Variants in DCLK1 observed in about 807,000 individuals in gnomAD.
DCLK1 encodes doublecortin like kinase 1.
Under a neutral mutation model 86.2 loss-of-function variants are expected in DCLK1, and 16 were observed. That is an observed-to-expected ratio of 0.19 (90% confidence interval 0.13 to 0.28). The LOEUF (loss-of-function observed/expected upper bound fraction) is 0.28. Ranked by LOEUF, DCLK1 falls within the 10% of genes least tolerant of loss-of-function variation. The pLI is 1.00. For synonymous variants in DCLK1, 369 were observed against 370.5 expected, an observed-to-expected ratio of 1.00 and a Z score of 0.05; for missense variants, 590 against 940.2, an observed-to-expected ratio of 0.63 and a Z score of 4.87.
At chr13:35,818,062 T>C (rs2087310399) in intron 11 of DCLK1, among the ~76,000 whole-genome samples, 1 of 152,198 alleles carries the variant, frequency 6.6e-6, no homozygotes, top group Non-Finnish European at 1.5e-5. Context: ...CTGGTAATGA[T>C]GAATAGGGCA....
chr13:35,938,346 T>C (rs1876884355), intron 4 of DCLK1, among the ~76,000 whole-genome samples: 1 of 151,982 alleles, frequency 6.6e-6, no homozygotes. Flanking sequence ...AAATGAGCAC[T>C]AGGCCAGGTG....
In DCLK1 at chr13:35,769,034, A is replaced by G. The variant is rs531182421; in HGVS notation, c.*5501T>C. On this transcript the variant is annotated 3_prime_UTR_variant, in exon 17 of 17. Coordinates refer to ENST00000360631, the MANE Select transcript of DCLK1 (RefSeq NM_001330071.2). ...AACTTTAAGAACATGTTTTACATAA[A>G]AACAGGCAACATCAAAAAAGCTCAG... The G allele has an allele frequency of 3.9e-5, 6 of 152,362 alleles. No individual in the cohort carries two copies. Among genetic ancestry groups the G allele is most frequent in the African/African-American group, 1.4e-4 (6 of 41,582 alleles). The allele number at this position is 152,362 out of a possible 1,614,324, so 9.4% of individuals were successfully genotyped here.
At chr13:36,044,961 C>A (rs1486043704) in intron 3 of DCLK1, among the ~76,000 whole-genome samples, 1 of 151,718 alleles carries the variant, frequency 6.6e-6, no homozygotes, top group Admixed American at 6.6e-5. Context: ...TATTTGATTT[C>A]TAAGTACATT....
In DCLK1 at chr13:35,928,076, A is replaced by G. The variant is rs184213819; in HGVS notation, c.823+19282T>C. On this transcript the variant is annotated intron_variant, in intron 4 of 16. Transcript: ENST00000360631. The stretch of plus-strand genomic sequence containing the variant: ...GTAATGAAACTGTAATCATAAAGAT[A>G]GTGCTTTCCTGGGTTCTGTAAGTTG... Among the ~76,000 whole-genome samples, 395 of 152,342 alleles carry G rather than the reference A, an allele frequency of 2.6e-3. 3 individuals carry two copies. The highest frequency in any genetic ancestry group is 9.3e-3 in the African/African-American group (386 of 41,568).
At chr13:35,849,053 A>G in intron 6 of DCLK1, 7 of 985,316 alleles carry the variant, frequency 7.1e-6, no homozygotes, top group Non-Finnish European at 8.4e-6. Context: ...CTCTTGAATA[A>G]CCTGCCAGAG....
chr13:35,834,479 C>T (rs539313155), intron 8 of DCLK1, among the ~76,000 whole-genome samples: 33 of 152,270 alleles, frequency 2.2e-4, no homozygotes, highest in African/African-American at 7.2e-4. Flanking sequence ...ACCTTGGGCG[C>T]TTAACATGTC....
At chr13:36,131,443 C>CCCT (rs777326956), upstream of DCLK1, 27 of 175,924 alleles carry the variant, frequency 1.5e-4, no homozygotes, top group South Asian at 2.2e-4. Flanking sequence ...CCTCCCGTCT[C>CCCT]CCTCCTCCTC....
At chr13:35,876,389 T>C (rs1163387192) in intron 4 of DCLK1, among the ~76,000 whole-genome samples, 1 of 152,212 alleles carries the variant, frequency 6.6e-6, no homozygotes, top group Non-Finnish European at 1.5e-5. Context: ...CTACGTTTTC[T>C]AAAATGGGTC....
At chr13:36,125,493 T>A (rs1259063543) in intron 2 of DCLK1, among the ~76,000 whole-genome samples, 1 of 152,234 alleles carries the variant, frequency 6.6e-6, no homozygotes, top group African/African-American at 2.4e-5. Flanking sequence ...TTAAAATTAA[T>A]GCAGCATGGG....
intron 4 of DCLK1, among the ~76,000 whole-genome samples, chr13:35,929,437 G>A (rs1876304484): frequency 6.6e-6 from 1 of 152,218 alleles, no homozygotes; most frequent in Admixed American, 6.5e-5. Context: ...AGGGAGCTCT[G>A]TGGTCAGATT....
At chr13:35,973,021 C>T (rs947478230) in intron 3 of DCLK1, among the ~76,000 whole-genome samples, 1 of 152,142 alleles carries the variant, frequency 6.6e-6, no homozygotes, top group Non-Finnish European at 1.5e-5. Flanking sequence ...TGAGTCAGCA[C>T]CCAGTACATT....
intron 3 of DCLK1, among the ~76,000 whole-genome samples, chr13:35,955,788 T>A (rs987763790): frequency 3.3e-5 from 5 of 152,174 alleles, no homozygotes; most frequent in African/African-American, 1.2e-4. Flanking sequence ...ATCAGTTCCA[T>A]GCCTGGCTTA....
upstream of DCLK1, among the ~76,000 whole-genome samples, chr13:36,131,847 C>T (rs983164404): frequency 1.3e-5 from 2 of 152,272 alleles, no homozygotes; most frequent in Non-Finnish European, 1.5e-5. Flanking sequence ...CCTTTTTGCC[C>T]GGGATGCACC....
intron 11 of DCLK1, among the ~76,000 whole-genome samples, chr13:35,812,506 C>G (rs572084001): frequency 6.6e-6 from 1 of 152,222 alleles, no homozygotes; most frequent in Non-Finnish European, 1.5e-5. Context: ...ACTGTTCACA[C>G]GTCACGTCTG....
intron 3 of DCLK1, among the ~76,000 whole-genome samples, chr13:36,040,463 A>G (rs569956687): frequency 4.7e-5 from 7 of 150,510 alleles, no homozygotes; most frequent in South Asian, 2.1e-4. Context: ...GGAAGACTAC[A>G]GGGGTAAAGC....
intron 3 of DCLK1, 32 bp from the exon 4 acceptor site, chr13:35,947,489 G>A (rs544350116): frequency 1.3e-6 from 2 of 1,578,556 alleles, no homozygotes; most frequent in African/African-American, 1.3e-5. Flanking sequence ...CTCAGCAAGG[G>A]TGGTAGAACA....
intron 3 of DCLK1, among the ~76,000 whole-genome samples, chr13:36,102,185 T>C (rs1885241821): frequency 7.6e-6 from 1 of 131,904 alleles, no homozygotes; most frequent in Non-Finnish European, 1.6e-5. Flanking sequence ...ATGTCTAGTC[T>C]AATCTTTTTT....
intron 4 of DCLK1, among the ~76,000 whole-genome samples, chr13:35,909,153 G>A (rs1332220671): frequency 1.3e-5 from 2 of 152,144 alleles, no homozygotes; most frequent in Non-Finnish European, 2.9e-5. Context: ...ACCCGGGAGC[G>A]GCATTTTATG....
chr13:36,056,545 A>C (rs1185400939), intron 3 of DCLK1, among the ~76,000 whole-genome samples: 3 of 141,034 alleles, frequency 2.1e-5, no homozygotes, highest in Admixed American at 7.1e-5. Flanking sequence ...GCAGCGCACC[A>C]GCATGGCACA....
Sources: gnomAD v4.1 joint callset for allele counts (sites outside exome capture counted in the v4.1 genomes callset) on GRCh38, gnomAD v4.1.1 for gene constraint, MANE v1.5 for transcripts, NCBI Gene and HGNC (gene_info 2026-07-23, HGNC 2026-07-21) for gene names.